Variants in SPATA13 observed in about 807,000 individuals in gnomAD.
SPATA13 encodes the protein spermatogenesis-associated protein 13.
SPATA13 carries 50 observed loss-of-function variants against 104.0 expected under a neutral mutation model. The ratio of observed to expected loss-of-function variants is 0.48; its 90% CI spans 0.38 to 0.61. SPATA13 has a LOEUF of 0.61. Ranked by LOEUF, SPATA13 falls within the 20% of genes least tolerant of loss-of-function variation. SPATA13 has a pLI of 0.00. For synonymous variants in SPATA13, 606 were observed against 667.5 expected (o/e 0.91, Z 1.42); for missense variants, 1,524 against 1,690.6 (o/e 0.90, Z 1.73).
intron 2 of SPATA13, among the ~76,000 whole-genome samples, chr13:24,003,108 C>T (rs1009802218): frequency 6.6e-6 from 1 of 152,108 alleles, no homozygotes; most frequent in Admixed American, 6.5e-5. Context: ...TTCAAAATCC[C>T]ATCTGTCTGG....
At position 24,049,698 on chromosome 13, in the gene SPATA13, G is replaced by A. The variant is rs115468928; in HGVS notation, c.-112+31997G>A. ...ACTAAAAACACGAAACTGATGGGCT[G>A]TGAAGGGAGTGGATGATCTGTTTGT... On this transcript the variant is annotated intron_variant, in intron 3 of 14. Coordinates refer to the SPATA13 transcript ENST00000424834. Among the ~76,000 whole-genome samples the A allele has an allele frequency of 9.4e-3, 1,430 of 152,262 alleles. 27 individuals carry two copies. Among genetic ancestry groups the A allele is most frequent in the African/African-American group, 0.031 (1,291 of 41,536 alleles).
chr13:24,272,085 T>C (rs1334572602), intron 4 of SPATA13, among the ~76,000 whole-genome samples: 2 of 152,156 alleles, frequency 1.3e-5, no homozygotes, highest in Non-Finnish European at 2.9e-5. Context: ...GAAGCGGACG[T>C]GCGGGTGCTC....
intron 12 of SPATA13, among the ~76,000 whole-genome samples, chr13:24,300,984 G>A (rs1877146203): frequency 6.6e-6 from 1 of 152,114 alleles, no homozygotes; most frequent in African/African-American, 2.4e-5. Flanking sequence ...CTGATTTAGG[G>A]CGGTGATTCC....
At chr13:24,122,268 G>T in intron 3 of SPATA13, 1 of 1,338,720 alleles carries the variant, frequency 7.5e-7, no homozygotes, top group Non-Finnish European at 1.1e-6. Context: ...ACAGGATTAC[G>T]ATTTTGAATA....
rs1374814867 is a variant in SPATA13 at position 24,223,523 on chromosome 13, C to A, written c.594C>A (p.His198Gln). 5 of 1,548,582 alleles carry A rather than the reference C, an allele frequency of 3.2e-6. No homozygotes were observed. The highest frequency in any genetic ancestry group is 1.7e-4 in the Middle Eastern group (1 of 5,992). ...DTDDAFQRST[H>Q]RSRSLRRAYG... ...ACGATGCCTTCCAGCGGAGCACACA[C>A]CGCTCCCGCAGCCTCCGCAGAGCCT... The change falls in exon 2 of 13, where the codon CAC becomes CAA. Residue 198 changes from histidine (H) to glutamine (Q), a missense_variant. Physicochemically the swap from His to Gln is conservative, Grantham distance 24. Coordinates refer to ENST00000382108, the MANE Select transcript of SPATA13 (RefSeq NM_001166271.3).
At chr13:24,036,013 CAAAAA>C (rs56837096) in intron 3 of SPATA13, among the ~76,000 whole-genome samples, 2 of 112,510 alleles carry the variant, frequency 1.8e-5, no homozygotes, top group Admixed American at 8.6e-5. Flanking sequence ...GACCCTGTCT[CAAAAA>C]AAAAAAAAAA....
At position 24,244,487 on chromosome 13, in the gene SPATA13, T is replaced by C. The variant is rs529660464; in HGVS notation, c.1654-4990T>C. ...CTCACTGGAGGTAACATAGCCTATATTGGCTTTTTACTTTTGCAGAGTAAA... is the reference window on the plus strand; with the variant it reads ...CTCACTGGAGGTAACATAGCCTATACTGGCTTTTTACTTTTGCAGAGTAAA... On this transcript the variant is annotated intron_variant, in intron 2 of 12. Transcript: ENST00000382108. 1.0e-3 allele frequency among the ~76,000 whole-genome samples: 156 copies of C among 152,362 alleles called. 1 individual carries two copies. Among genetic ancestry groups the C allele is most frequent in the African/African-American group, 3.7e-3 (153 of 41,584 alleles).
At chr13:24,287,150 G>T (rs1876017086) in intron 7 of SPATA13, among the ~76,000 whole-genome samples, 200 bp downstream of exon 7, 1 of 151,972 alleles carries the variant, frequency 6.6e-6, no homozygotes, top group Non-Finnish European at 1.5e-5. Flanking sequence ...TAGAGTCAGG[G>T]TCTCTTTTCA....
At position 24,223,526 on chromosome 13, in the gene SPATA13, C is replaced by T; in HGVS notation, c.597C>T (p.Arg199=). The change falls in exon 2 of 13, where the codon CGC becomes CGT. Residue 199 remains arginine (R), a synonymous_variant. Coordinates refer to ENST00000382108, the MANE Select transcript of SPATA13 (RefSeq NM_001166271.3). ...ATGCCTTCCAGCGGAGCACACACCG[C>T]TCCCGCAGCCTCCGCAGAGCCTACG... The part of the protein sequence containing the change: ...TDDAFQRSTH[R]SRSLRRAYGL... The T allele has an allele frequency of 6.5e-7, 1 of 1,548,550 alleles. No individual in the cohort carries two copies. The highest frequency in any genetic ancestry group is 8.7e-7 in the Non-Finnish European group (1 of 1,146,986).
intron 1 of SPATA13, among the ~76,000 whole-genome samples, chr13:24,220,358 T>C (rs1436387257): frequency 2.6e-5 from 4 of 152,142 alleles, no homozygotes; most frequent in African/African-American, 4.8e-5. Context: ...GCAGAAATCA[T>C]GCCTTCTCTT....
chr13:24,061,200 G>A (rs1238196321), intron 3 of SPATA13, among the ~76,000 whole-genome samples: 2 of 152,160 alleles, frequency 1.3e-5, no homozygotes, highest in African/African-American at 2.4e-5. Flanking sequence ...CAGAATGACT[G>A]TTACCGAACT....
At chr13:24,084,740 C>T (rs929637260) in intron 3 of SPATA13, among the ~76,000 whole-genome samples, 6 of 152,042 alleles carry the variant, frequency 3.9e-5, no homozygotes, top group Admixed American at 2.0e-4. Flanking sequence ...AATGAAGTGG[C>T]GCAGTGCAGT....
At chr13:24,272,175 A>C (rs1874660133) in intron 4 of SPATA13, among the ~76,000 whole-genome samples, 1 of 152,050 alleles carries the variant, frequency 6.6e-6, no homozygotes, top group Non-Finnish European at 1.5e-5. Flanking sequence ...ACGAACGGGC[A>C]GGGGTGGGGG....
rs1161779480 is a variant in SPATA13 at position 24,105,775 on chromosome 13, C to T, written c.-112+88074C>T. On this transcript the variant is annotated intron_variant, in intron 3 of 14. Coordinates refer to the SPATA13 transcript ENST00000424834. ...ATTTGGAGACAGGGCCTTTACAGAG[C>T]TGATTAAGGAAAAATGAGGCCCTTA... Among the ~76,000 whole-genome samples the T allele has an allele frequency of 5.9e-5, 9 of 152,136 alleles. No individual in the cohort carries two copies. The South Asian group carries it at 1.7e-3, about 28-fold the overall frequency.
intron 1 of SPATA13, among the ~76,000 whole-genome samples, chr13:24,189,497 GTA>G (rs140072710): frequency 0.78 from 104,720 of 133,656 alleles, 42,820 homozygotes; most frequent in Non-Finnish European, 0.91. Context: ...ATATATACGT[GTA>G]TATATATATA....
intron 2 of SPATA13, among the ~76,000 whole-genome samples, chr13:24,242,328 A>T (rs1272006901): frequency 6.6e-6 from 1 of 152,240 alleles, no homozygotes; most frequent in Non-Finnish European, 1.5e-5. Context: ...ATGGAGAAAT[A>T]GCCCAGAGAA....
rs1043971889 is a variant in SPATA13, at chr13:24,251,812, C to G, written c.2114C>G (p.Pro705Arg). 3 of 1,614,180 alleles carry G rather than the reference C, an allele frequency of 1.9e-6. No homozygotes were observed. Among genetic ancestry groups the G allele is most frequent in the Non-Finnish European group, 2.5e-6 (3 of 1,180,008 alleles). ...FRPFTFSQST[P>R]IGLDRVGRRR... ...CCCTTCACATTCTCCCAGAGCACCC[C>G]CATTGGGTTGGACCGTGTGGGACGC... Residue 705 changes from proline to arginine, a missense_variant, in exon 4 of 13, where the codon CCC (proline) becomes CGC (arginine). Around this residue, in one of 2 missense-constraint regions of SPATA13, gnomAD observed 1,089 missense variants for 1,135.9 expected, o/e 0.96. Transcript: ENST00000382108.
chr13:24,117,853 A>T (rs1880902437), intron 3 of SPATA13, among the ~76,000 whole-genome samples: 1 of 152,232 alleles, frequency 6.6e-6, no homozygotes, highest in Non-Finnish European at 1.5e-5. Context: ...TATATTCTTT[A>T]ATAGTACCAG....
intron 3 of SPATA13, among the ~76,000 whole-genome samples, chr13:24,038,822 A>T (rs1877812125): frequency 6.6e-6 from 1 of 152,216 alleles, no homozygotes; most frequent in African/African-American, 2.4e-5. Context: ...GAAGCACAAC[A>T]TCAAAAAATT....
Sources: gnomAD v4.1 joint callset for allele counts (sites outside exome capture counted in the v4.1 genomes callset) on GRCh38, gnomAD v4.1.1 for gene constraint, gnomAD v4.1.1 regional missense constraint, MANE v1.5 for transcripts, NCBI Gene and HGNC (gene_info 2026-07-23, HGNC 2026-07-21) for gene names.